Variants in FAM53B observed in about 807,000 individuals in gnomAD.
The protein encoded by FAM53B is family with sequence similarity 53 member B.
A neutral mutation model predicts 32.7 loss-of-function variants in FAM53B; 12 were observed. That is an observed-to-expected ratio of 0.37 (90% confidence interval 0.24 to 0.59). The LOEUF is 0.59. Among genes scored for constraint, FAM53B ranks in the 20% least tolerant of loss-of-function variants. The pLI is 0.72. For synonymous variants in FAM53B, 234 were observed against 228.7 expected (o/e 1.02, Z -0.21); for missense variants, 477 against 577.7 (o/e 0.83, Z 1.79).
chr10:124,690,352 A>G (rs1430687023), intron 3 of FAM53B, among the ~76,000 whole-genome samples: 1 of 152,214 alleles, frequency 6.6e-6, no homozygotes, highest in Non-Finnish European at 1.5e-5. Flanking sequence ...TCCCCCATGG[A>G]CACACATCCA....
rs1158747185 is a variant in FAM53B, at chr10:124,651,545, A to G, written c.907-27941T>C. ...GCTGGACGGAATCACAATCCCACAC[A>G]CGGCACCAGGGACCTGGACTATGCA... On this transcript the variant is annotated intron_variant, in intron 4 of 4. Transcript: ENST00000337318. The surrounding 1 kb of genome is among the most constrained non-coding windows in gnomAD (Gnocchi z 5.2). 6.6e-6 allele frequency among the ~76,000 whole-genome samples: 1 copy of G among 152,034 alleles called. No homozygotes were observed. The highest frequency in any genetic ancestry group is 2.4e-5 in the African/African-American group (1 of 41,390).
chr10:124,659,881 A>G (rs1392701678), intron 4 of FAM53B, among the ~76,000 whole-genome samples: 1 of 152,242 alleles, frequency 6.6e-6, no homozygotes, highest in Non-Finnish European at 1.5e-5. Context: ...ATCTCAGCTC[A>G]CTGCAACCTC....
chr10:124,693,444 T>G, intron 3 of FAM53B, among the ~76,000 whole-genome samples: 1 of 144,098 alleles, frequency 6.9e-6, no homozygotes, highest in East Asian at 2.0e-4. Context: ...CCCTCCAGCC[T>G]GGCGACAGTG....
Position 124,733,901 on chromosome 10 carries a change from A to G in FAM53B, c.-175+10112T>C, listed in dbSNP as rs1950160371. Reference sequence around the variant, plus strand: ...CCCCTCTGAAATCTACACTCGTCTCACTCAGGCTCCAGGTCTCCCAGATTC... The same window carrying G: ...CCCCTCTGAAATCTACACTCGTCTCGCTCAGGCTCCAGGTCTCCCAGATTC... On this transcript the variant is annotated intron_variant, in intron 1 of 4. Transcript: ENST00000337318. The surrounding 1 kb of genome is among the most constrained non-coding windows in gnomAD (Gnocchi z 4.3). Among the ~76,000 whole-genome samples the G allele has an allele frequency of 6.6e-6, 1 of 152,062 alleles. No individual in the cohort carries two copies. The highest frequency in any genetic ancestry group is 2.4e-5 in the African/African-American group (1 of 41,374).
At chr10:124,674,143 C>T (rs1949723508) in intron 4 of FAM53B, among the ~76,000 whole-genome samples, 1 of 152,244 alleles carries the variant, frequency 6.6e-6, no homozygotes, top group Non-Finnish European at 1.5e-5. Context: ...CCCAGCAGCA[C>T]CGCTCAACAA....
In FAM53B at chr10:124,674,731, T is replaced by A. The variant is rs563024039; in HGVS notation, c.906+6876A>T. On this transcript the variant is annotated intron_variant, in intron 4 of 4. Transcript: ENST00000337318. The stretch of plus-strand genomic sequence containing the variant: ...TACTCTGGCTTCCATGAAGCAAGAC[T>A]GGCGATGTCCTCAGATGTGGTGAGG... 1.1e-4 allele frequency among the ~76,000 whole-genome samples: 17 copies of A among 152,374 alleles called. No individual in the cohort carries two copies. In the East Asian group the frequency reaches 2.9e-3, roughly 26 times the overall value.
At chr10:124,671,690 G>T (rs1005127254) in intron 4 of FAM53B, among the ~76,000 whole-genome samples, 2 of 152,182 alleles carry the variant, frequency 1.3e-5, no homozygotes, top group African/African-American at 4.8e-5. Context: ...TTACTGATGT[G>T]AGCTCGCGTT....
At position 124,739,052 on chromosome 10, in the gene FAM53B, A is replaced by C. The variant is rs775998146; in HGVS notation, c.-175+4961T>G. 1.8e-4 allele frequency among the ~76,000 whole-genome samples: 28 copies of C among 152,018 alleles called. 1 individual carries two copies. In the South Asian group the frequency reaches 3.1e-3, roughly 17 times the overall value. On this transcript the variant is annotated intron_variant, in intron 1 of 4. Coordinates refer to ENST00000337318, the MANE Select transcript of FAM53B (RefSeq NM_014661.4). ...CAATCACTCCAAAAAACAAAAAAAA[A>C]AAAACAAAAAACAAAAAAACACACA...
At position 124,677,138 on chromosome 10, in the gene FAM53B, C is replaced by A. The variant is rs72842386; in HGVS notation, c.906+4469G>T. 5.9e-3 allele frequency among the ~76,000 whole-genome samples: 906 copies of A among 152,284 alleles called. 4 individuals carry two copies. Among genetic ancestry groups the A allele is most frequent in the Middle Eastern group, 0.01 (3 of 294 alleles). ...CAATGGGTGAACTTTTTAATTGTTG[C>A]TTTTTTCTGAAATCTTTGCTCACAC... On this transcript the variant is annotated intron_variant, in intron 4 of 4. Coordinates refer to ENST00000337318, the MANE Select transcript of FAM53B (RefSeq NM_014661.4).
At chr10:124,628,708 T>C (rs1340571385) in intron 4 of FAM53B, among the ~76,000 whole-genome samples, 1 of 152,206 alleles carries the variant, frequency 6.6e-6, no homozygotes, top group African/African-American at 2.4e-5. Flanking sequence ...CCGGAACTAC[T>C]CTGGGCTGGG....
intron 4 of FAM53B, among the ~76,000 whole-genome samples, chr10:124,652,198 G>A (rs1350558682): frequency 2.6e-5 from 4 of 152,206 alleles, no homozygotes; most frequent in Non-Finnish European, 1.5e-5. Context: ...ACCCGCAGAG[G>A]GAAAAGCTAT....
chr10:124,621,988 A>G lies in FAM53B; in HGVS notation c.*1254T>C, dbSNP rs952616235. 3.3e-5 allele frequency: 5 copies of G among 152,462 alleles called. No individual in the cohort carries two copies. Among genetic ancestry groups the G allele is most frequent in the African/African-American group, 1.2e-4 (5 of 41,442 alleles). The allele number at this position is 152,462 out of a possible 1,614,324, so 9.4% of individuals were successfully genotyped here. A position where few individuals can be genotyped will look rare whatever the true frequency, so the allele number is the denominator to read the frequency against. On this transcript the variant is annotated 3_prime_UTR_variant, in exon 5 of 5. Transcript: ENST00000337318. The stretch of plus-strand genomic sequence containing the variant: ...AGCCGGAGAGGAGCTACAAACCTTG[A>G]GAGGAGAGCAAACCCTCAGGGGGCT...
rs547666020 is a variant in FAM53B at position 124,623,071 on chromosome 10, A to C, written c.*171T>G. ...GACACACCCGCTGTATGACGCGGCC[A>C]GGCCAGGCTCTCCCCCAGGCAGCAG... On this transcript the variant is annotated 3_prime_UTR_variant, in exon 5 of 5. Transcript: ENST00000337318. 189 of 851,582 alleles carry C rather than the reference A, an allele frequency of 2.2e-4. No individual in the cohort carries two copies. The African/African-American group carries it at 3.0e-3, about 14-fold the overall frequency. 52.8% of individuals were successfully genotyped at this position (851,582 alleles called of 1,614,324 possible).
At chr10:124,737,832 C>A (rs956711407) in intron 1 of FAM53B, among the ~76,000 whole-genome samples, 1 of 152,160 alleles carries the variant, frequency 6.6e-6, no homozygotes, top group African/African-American at 2.4e-5. Flanking sequence ...CTAACTGCAT[C>A]TTTCCTCCCC....
rs1950219816 is a variant in FAM53B, at chr10:124,744,308, G to C, written c.-470C>G. Reference sequence around the variant, plus strand: ...GCTTAGCGGGCGGTGTCGCGGGCCCGGGCGCTAGGCGCGGCGGCGGCGTGC... The same window carrying C: ...GCTTAGCGGGCGGTGTCGCGGGCCCCGGCGCTAGGCGCGGCGGCGGCGTGC... On this transcript the variant is annotated 5_prime_UTR_variant, in exon 1 of 5. Coordinates refer to ENST00000337318, the MANE Select transcript of FAM53B (RefSeq NM_014661.4). The C allele has an allele frequency of 1.4e-5, 2 of 147,946 alleles. No individual in the cohort carries two copies. The highest frequency in any genetic ancestry group is 3.9e-4 in the East Asian group (2 of 5,126). 9.2% of individuals were successfully genotyped at this position (147,946 alleles called of 1,614,324 possible). A position where few individuals can be genotyped will look rare whatever the true frequency, so the allele number is the denominator to read the frequency against.
chr10:124,638,704 A>G (rs1381884523), intron 4 of FAM53B, among the ~76,000 whole-genome samples: 2 of 152,196 alleles, frequency 1.3e-5, no homozygotes, highest in Non-Finnish European at 2.9e-5. Flanking sequence ...GGGGCGGGGG[A>G]GGCCATGCTG....
intron 1 of FAM53B, among the ~76,000 whole-genome samples, chr10:124,726,093 G>A (rs908421497): frequency 6.6e-6 from 1 of 152,198 alleles, no homozygotes; most frequent in Non-Finnish European, 1.5e-5. Context: ...GGACCCAGCA[G>A]CTGTGTCTAG....
chr10:124,653,457 T>A (rs895550679), intron 4 of FAM53B, among the ~76,000 whole-genome samples: 3 of 152,186 alleles, frequency 2.0e-5, no homozygotes, highest in South Asian at 2.1e-4. Context: ...GGGTCCCGGA[T>A]GGCCAGGCCT....
At chr10:124,684,267 T>C (rs1949789875) in intron 3 of FAM53B, among the ~76,000 whole-genome samples, 1 of 152,238 alleles carries the variant, frequency 6.6e-6, no homozygotes, top group Non-Finnish European at 1.5e-5. Flanking sequence ...TTCTTCATCA[T>C]ACATCGTTCA....
Sources: gnomAD v4.1 joint callset for allele counts (sites outside exome capture counted in the v4.1 genomes callset) on GRCh38, gnomAD v4.1.1 for gene constraint, Gnocchi (gnomAD v3.1) non-coding constraint, MANE v1.5 for transcripts, NCBI Gene and HGNC (gene_info 2026-07-23, HGNC 2026-07-21) for gene names.